The following HDAC8 variants were observed in gnomAD, a reference collection of about 807,000 sequenced individuals.
The protein encoded by HDAC8 is histone deacetylase-like 1.
Under a neutral mutation model 32.2 loss-of-function variants are expected in HDAC8, and 1 was observed. That is an observed-to-expected ratio of 0.03 (90% CI 0.01 to 0.15). The LOEUF (loss-of-function observed/expected upper bound fraction) is 0.15, where lower values mean the gene tolerates loss of function less well. Ranked by LOEUF, HDAC8 falls within the 10% of genes least tolerant of loss-of-function variation. HDAC8 has a pLI of 1.00. For synonymous variants in HDAC8, 108 were observed against 113.9 expected (o/e 0.95, Z 0.33); for missense variants, 117 against 300.0 (o/e 0.39, Z 4.51).
At chrX:72,541,380 G>A (rs1303806329) in intron 4 of HDAC8, among the ~76,000 whole-genome samples, 1 of 111,992 alleles carries the variant, frequency 8.9e-6, no homozygotes, top group African/African-American at 3.3e-5. Flanking sequence ...GTGAGGGAAA[G>A]CAGAGAATAG....
At chrX:72,382,829 T>C (rs1555960215) in intron 9 of HDAC8, among the ~76,000 whole-genome samples, 1 of 111,846 alleles carries the variant, frequency 8.9e-6, no homozygotes, top group East Asian at 2.8e-4. Flanking sequence ...TGCATAACTT[T>C]GTGAATATAC....
intron 4 of HDAC8, among the ~76,000 whole-genome samples, chrX:72,559,241 C>A (rs1371419574): frequency 1.5e-4 from 16 of 107,313 alleles, no homozygotes; most frequent in African/African-American, 5.5e-4. Context: ...GACTGGTTTT[C>A]GTACTTTTTT....
In HDAC8 at chrX:72,456,792, C is replaced by G. The variant is rs782407238; in HGVS notation, c.1005+5212G>C. 8.1e-5 allele frequency among the ~76,000 whole-genome samples: 9 copies of G among 111,385 alleles called. No individual in the cohort carries two copies. In the South Asian group the frequency reaches 2.7e-3, roughly 33 times the overall value. The stretch of plus-strand genomic sequence containing the variant: ...CCAGCCTGGGCGACACAGCAAGATT[C>G]TGTCTCACAAAAAACAAAAAACGAA... On this transcript the variant is annotated intron_variant, in intron 9 of 10. Transcript: ENST00000373573.
chrX:72,474,301 TTATC>T (rs1387519703), intron 7 of HDAC8: 109 of 738,285 alleles, frequency 1.5e-4, no homozygotes, highest in Admixed American at 4.3e-4. Flanking sequence ...CTCTATTTAT[TTATC>T]TAACATTTAA....
At chrX:72,567,590 T>G in intron 4 of HDAC8, 1 of 507,962 alleles carries the variant, frequency 2.0e-6, no homozygotes, top group Non-Finnish European at 3.3e-6. Context: ...TCTAGTTGTA[T>G]CCTTTGTTCA....
At chrX:72,523,551 C>A (rs1482815810) in intron 4 of HDAC8, among the ~76,000 whole-genome samples, 1 of 111,080 alleles carries the variant, frequency 9.0e-6, no homozygotes, top group Non-Finnish European at 1.9e-5. Flanking sequence ...CAGTTTCCTT[C>A]TCTGGTTTCC....
intron 9 of HDAC8, among the ~76,000 whole-genome samples, chrX:72,364,484 G>T (rs2044642755): frequency 9.0e-6 from 1 of 111,656 alleles, no homozygotes; most frequent in African/African-American, 3.3e-5. Flanking sequence ...TGAATTCTTG[G>T]TATTTTGCAT....
intron 10 of HDAC8, among the ~76,000 whole-genome samples, chrX:72,338,870 G>C: frequency 9.4e-6 from 1 of 106,476 alleles, no homozygotes; most frequent in South Asian, 4.1e-4. Context: ...GGAAAATAGG[G>C]AGTCCCTGTC....
At position 72,506,097 on chromosome X, in the gene HDAC8, T is replaced by C. The variant is rs781827226; in HGVS notation, c.438-10829A>G. On this transcript the variant is annotated intron_variant, in intron 4 of 10. Transcript: ENST00000373573. ...GGCAGCCCTGCAAGCTAAACTCCAG[T>C]GGCTCAATATAAACCTAGACGAACA... 4.5e-5 allele frequency among the ~76,000 whole-genome samples: 5 copies of C among 111,859 alleles called. No individual in the cohort carries two copies. The East Asian group carries it at 1.4e-3, about 32-fold the overall frequency.
chrX:72,388,656 G>A (rs1409453198), intron 9 of HDAC8, among the ~76,000 whole-genome samples: 3 of 109,420 alleles, frequency 2.7e-5, no homozygotes, highest in African/African-American at 1.0e-4. Flanking sequence ...AATGAATTGT[G>A]TGTCTTCCTA....
chrX:72,347,440 T>C (rs147969407), intron 10 of HDAC8, among the ~76,000 whole-genome samples: 1,403 of 111,724 alleles, frequency 0.013, 23 homozygotes, highest in African/African-American at 0.044. Context: ...ACAGAGCAAG[T>C]GTTGAAACCT....
At chrX:72,542,956 T>C (rs782372261) in intron 4 of HDAC8, among the ~76,000 whole-genome samples, 13 of 112,119 alleles carry the variant, frequency 1.2e-4, no homozygotes, top group Non-Finnish European at 2.3e-4. Context: ...CACACTGTTT[T>C]TTGAGGTAGG....
chrX:72,450,183 T>A (rs1404214196), intron 9 of HDAC8, among the ~76,000 whole-genome samples: 1 of 111,915 alleles, frequency 8.9e-6, no homozygotes, highest in African/African-American at 3.2e-5. Flanking sequence ...TCCACTTATA[T>A]CACATTGTCT....
chrX:72,350,031 A>C, intron 10 of HDAC8, among the ~76,000 whole-genome samples: 1 of 111,673 alleles, frequency 9.0e-6, no homozygotes, highest in Non-Finnish European at 1.9e-5. Context: ...TGAGGGGAGC[A>C]GGGAAAACGG....
At chrX:72,407,389 CCTATACTAGAAGGA>C (rs1411995054) in intron 9 of HDAC8, among the ~76,000 whole-genome samples, 13 of 112,192 alleles carry the variant, frequency 1.2e-4, no homozygotes, top group Non-Finnish European at 2.3e-4. Context: ...AGGCAGGAAG[CCTATACTAGAAGGA>C]CTCTCACTCT....
At chrX:72,531,680 T>C (rs1468462155) in intron 4 of HDAC8, among the ~76,000 whole-genome samples, 2 of 112,216 alleles carry the variant, frequency 1.8e-5, no homozygotes, top group African/African-American at 6.5e-5. Context: ...TCTCTATAGA[T>C]GTACCTATTC....
intron 4 of HDAC8, among the ~76,000 whole-genome samples, chrX:72,495,610 G>A (rs782507822): frequency 1.8e-5 from 2 of 111,707 alleles, no homozygotes; most frequent in South Asian, 7.5e-4. Context: ...GTCATCATGA[G>A]GAACACTGGT....
rs782300141 is a variant in HDAC8 at position 72,442,226 on chromosome X, G to A, written c.1005+19778C>T. On this transcript the variant is annotated intron_variant, in intron 9 of 10. Transcript: ENST00000373573. ...CTCGAGAAGAGCAACTCCAAGACAC[G>A]TAATTGTCAGATTCACCAAAGTTGA... 7.9e-3 allele frequency among the ~76,000 whole-genome samples: 870 copies of A among 110,397 alleles called. 14 individuals are homozygous for A. The highest frequency in any genetic ancestry group is 0.027 in the African/African-American group (815 of 30,331).
At chrX:72,459,758 C>T (rs1184559470) in intron 9 of HDAC8, among the ~76,000 whole-genome samples, 18 of 111,325 alleles carry the variant, frequency 1.6e-4, no homozygotes, top group African/African-American at 5.9e-4. Context: ...CTCTTTGCAT[C>T]TCCTAAGACA....
Sources: gnomAD v4.1 joint callset for allele counts (sites outside exome capture counted in the v4.1 genomes callset) on GRCh38, gnomAD v4.1.1 for gene constraint, MANE v1.5 for transcripts, NCBI Gene and HGNC (gene_info 2026-07-23, HGNC 2026-07-21) for gene names.